The following PHACTR1 variants were observed in gnomAD, a reference collection of about 807,000 sequenced individuals.
PHACTR1 encodes the protein phosphatase and actin regulator 1.
A neutral mutation model predicts 69.2 loss-of-function variants in PHACTR1; 16 were observed. The ratio of observed to expected loss-of-function variants is 0.23; its 90% CI spans 0.16 to 0.35. PHACTR1 has a LOEUF of 0.35. Ranked by LOEUF, PHACTR1 falls within the 10% of genes least tolerant of loss-of-function variation. PHACTR1 has a pLI of 1.00. For synonymous variants in PHACTR1, 312 were observed against 284.5 expected, an observed-to-expected ratio of 1.10 and a Z score of -0.97; for missense variants, 510 against 734.7, an observed-to-expected ratio of 0.69 and a Z score of 3.54.
At chr6:12,932,989 G>A (rs935386460) in intron 4 of PHACTR1, among the ~76,000 whole-genome samples, 1 of 145,764 alleles carries the variant, frequency 6.9e-6, no homozygotes. Context: ...AAGTTGGAGT[G>A]CAGTGGCACC....
Position 13,267,838 on chromosome 6 carries a change from G to GGAA in PHACTR1, c.1392-5022_1392-5021insGAA, listed in dbSNP as rs1362103977. 77 of 101,044 alleles carry GGAA rather than the reference G, an allele frequency of 7.6e-4. 1 individual carries two copies. Among genetic ancestry groups the GGAA allele is most frequent in the African/African-American group, 3.6e-3 (70 of 19,202 alleles). 6.3% of individuals were successfully genotyped at this position (101,044 alleles called of 1,614,324 possible). On this transcript the variant is annotated intron_variant, in intron 10 of 14. Coordinates refer to ENST00000332995, the MANE Select transcript of PHACTR1 (RefSeq NM_030948.6). ...GCCCTCGGGGGTCCAGGAATGATCT[G>GGAA]AAAAAAAAAAAAAAAAAAAAAAAAA...
At chr6:12,941,692 G>A (rs1020469696) in intron 4 of PHACTR1, among the ~76,000 whole-genome samples, 12 of 152,072 alleles carry the variant, frequency 7.9e-5, no homozygotes, top group Non-Finnish European at 1.6e-4. Flanking sequence ...TGTACGTCAG[G>A]ACAGGCGAGC....
intron 4 of PHACTR1, among the ~76,000 whole-genome samples, chr6:13,043,621 A>T (rs1330479448): frequency 1.3e-5 from 2 of 152,214 alleles, no homozygotes; most frequent in Admixed American, 1.3e-4. Context: ...AGCAGAGTAG[A>T]GTACTTCAAC....
chr6:13,238,879 T>C (rs1298411281), intron 10 of PHACTR1, among the ~76,000 whole-genome samples: 1 of 152,230 alleles, frequency 6.6e-6, no homozygotes, highest in African/African-American at 2.4e-5. Flanking sequence ...ACTTACTTAG[T>C]GTCCCTGGAT....
At chr6:12,966,127 G>T (rs965461771) in intron 4 of PHACTR1, among the ~76,000 whole-genome samples, 1 of 152,150 alleles carries the variant, frequency 6.6e-6, no homozygotes, top group Admixed American at 6.5e-5. Context: ...TCAGGTGAAG[G>T]TGATGGAAGG....
At chr6:13,286,281 A>C in intron 14 of PHACTR1, 59 bp downstream of exon 14, 2 of 1,392,010 alleles carry the variant, frequency 1.4e-6, no homozygotes, top group Non-Finnish European at 1.9e-6. Flanking sequence ...ATTTATCTCC[A>C]AATAAAGCTC....
At chr6:13,064,456 T>G (rs1455843056) in intron 5 of PHACTR1, among the ~76,000 whole-genome samples, 1 of 149,478 alleles carries the variant, frequency 6.7e-6, no homozygotes, top group Admixed American at 6.7e-5. Context: ...TAAATGGCAA[T>G]GCAGATATAA....
intron 10 of PHACTR1, among the ~76,000 whole-genome samples, chr6:13,238,238 T>G (rs1228266791): frequency 2.0e-5 from 3 of 152,214 alleles, no homozygotes; most frequent in Non-Finnish European, 4.4e-5. Context: ...CAATCTACAC[T>G]GAAGGCGTGG....
At chr6:12,941,691 G>A (rs1369268419) in intron 4 of PHACTR1, among the ~76,000 whole-genome samples, 1 of 152,130 alleles carries the variant, frequency 6.6e-6, no homozygotes, top group Non-Finnish European at 1.5e-5. Flanking sequence ...GTGTACGTCA[G>A]GACAGGCGAG....
intron 8 of PHACTR1, among the ~76,000 whole-genome samples, chr6:13,225,173 C>G (rs1234980972): frequency 1.3e-5 from 2 of 152,208 alleles, no homozygotes; most frequent in African/African-American, 4.8e-5. Flanking sequence ...CTTCTCAGGA[C>G]TCTTCCTGAT....
At chr6:13,223,304 C>T (rs934686747) in intron 8 of PHACTR1, among the ~76,000 whole-genome samples, 7 of 152,106 alleles carry the variant, frequency 4.6e-5, no homozygotes, top group Admixed American at 2.6e-4. Context: ...TTTAAGGAAC[C>T]AGATAGATAG....
chr6:13,030,017 G>A (rs1019376288), intron 4 of PHACTR1, among the ~76,000 whole-genome samples: 8 of 152,322 alleles, frequency 5.3e-5, no homozygotes, highest in Admixed American at 2.0e-4. Context: ...TAGCATCCAC[G>A]TTTAGAGTTG....
chr6:12,909,888 A>C (rs779613111), intron 4 of PHACTR1, among the ~76,000 whole-genome samples: 3 of 152,176 alleles, frequency 2.0e-5, no homozygotes, highest in Non-Finnish European at 2.9e-5. Flanking sequence ...GATTCCCACT[A>C]TTCTTCAACT....
At chr6:13,195,370 T>TA (rs1309122891) in intron 7 of PHACTR1, among the ~76,000 whole-genome samples, 1 of 152,204 alleles carries the variant, frequency 6.6e-6, no homozygotes, top group Non-Finnish European at 1.5e-5. Context: ...GCAACACCTT[T>TA]ATTCATTGGG....
intron 4 of PHACTR1, among the ~76,000 whole-genome samples, chr6:12,768,863 A>G (rs189199970): frequency 3.5e-4 from 48 of 136,576 alleles, no homozygotes; most frequent in African/African-American, 1.4e-3. Flanking sequence ...CACACACACA[A>G]TGGAATACTA....
intron 13 of PHACTR1, among the ~76,000 whole-genome samples, chr6:13,284,517 C>CAAAAAAAAAAA (rs58847683): frequency 2.5e-5 from 1 of 40,022 alleles, no homozygotes; most frequent in Non-Finnish European, 3.6e-5. Flanking sequence ...AACTCCATCT[C>CAAAAAAAAAAA]AAAAAAAAAA....
At chr6:13,278,184 C>G (rs71562468) in intron 11 of PHACTR1, 84 bp from the exon 12 acceptor site, 25 of 1,329,698 alleles carry the variant, frequency 1.9e-5, no homozygotes, top group Non-Finnish European at 2.6e-5. Context: ...GATGCTTGGC[C>G]TAGAGCCTGC....
Position 12,839,832 on chromosome 6 carries a change from C to T in PHACTR1, c.250+90042C>T, listed in dbSNP as rs188804760. Among the ~76,000 whole-genome samples, 51 of 152,254 alleles carry T rather than the reference C, an allele frequency of 3.3e-4. 1 individual carries two copies. Among genetic ancestry groups the T allele is most frequent in the South Asian group, 1.7e-3 (8 of 4,828 alleles). ...GATCAGATGTGGTGAAGATAGGCTGCGCAGAAGGTGAAAACAGTGCCTGTG... is the reference window on the plus strand; with the variant it reads ...GATCAGATGTGGTGAAGATAGGCTGTGCAGAAGGTGAAAACAGTGCCTGTG... On this transcript the variant is annotated intron_variant, in intron 4 of 14. Coordinates refer to ENST00000332995, the MANE Select transcript of PHACTR1 (RefSeq NM_030948.6).
chr6:13,220,974 C>T (rs1021944823), intron 8 of PHACTR1, among the ~76,000 whole-genome samples: 9 of 152,120 alleles, frequency 5.9e-5, no homozygotes, highest in African/African-American at 1.9e-4. Context: ...GTAATTATAA[C>T]ATAATGTGGC....
Sources: allele counts gnomAD v4.1 joint callset (sites outside exome capture counted in the v4.1 genomes callset), GRCh38; gene constraint gnomAD v4.1.1; transcripts MANE v1.5; gene names NCBI Gene and HGNC (gene_info 2026-07-23, HGNC 2026-07-21).